SLC9B1: variants seen among roughly 807,000 people sequenced by gnomAD.
SLC9B1 encodes solute carrier family 9 member B1.
In SLC9B1, 32 loss-of-function variants were observed where a neutral mutation model predicts 51.7. That is an observed-to-expected ratio of 0.62 (90% CI 0.47 to 0.83). The LOEUF is 0.83. Ranked by LOEUF, SLC9B1 falls within the 40% of genes least tolerant of loss-of-function variation. SLC9B1 has a pLI of 0.00. For synonymous variants in SLC9B1, 145 were observed against 212.7 expected (o/e 0.68, Z 2.77); for missense variants, 406 against 613.2 (o/e 0.66, Z 3.57).
chr4:103,001,913 C>A (rs1464224844), intron 1 of SLC9B1, among the ~76,000 whole-genome samples: 1 of 152,168 alleles, frequency 6.6e-6, no homozygotes, highest in Admixed American at 6.5e-5. Flanking sequence ...TTCTGCATGG[C>A]TTAGGAGGCC....
At chr4:102,890,840 T>A (rs868808635) in intron 11 of SLC9B1, 5 of 76,200 alleles carry the variant, frequency 6.6e-5, no homozygotes, top group Admixed American at 1.5e-4. Flanking sequence ...AACCCTATCT[T>A]AAAAAAAAAA....
At chr4:102,976,732 G>A (rs1006420524) in intron 3 of SLC9B1, among the ~76,000 whole-genome samples, 2 of 152,184 alleles carry the variant, frequency 1.3e-5, no homozygotes, top group African/African-American at 4.8e-5. Flanking sequence ...CACATTGAGA[G>A]GTAAGTAAAT....
At chr4:102,910,674 T>C (rs1735296696) in intron 8 of SLC9B1, 86 bp from the exon 9 acceptor site, 2 of 595,656 alleles carry the variant, frequency 3.4e-6, no homozygotes, top group Admixed American at 4.6e-5. Flanking sequence ...TTTTTGACCC[T>C]CTGATATTAT....
chr4:102,977,615 A>G lies in SLC9B1; in HGVS notation c.211+12185T>C, dbSNP rs563582111. On this transcript the variant is annotated intron_variant, in intron 3 of 11. Coordinates refer to ENST00000296422, the MANE Select transcript of SLC9B1 (RefSeq NM_139173.4). Reference sequence around the variant, plus strand: ...TGAGAACGTTTTTGGGAATACTTTAATTATGAACTTTTAGAACACTAGTAC... The same window carrying G: ...TGAGAACGTTTTTGGGAATACTTTAGTTATGAACTTTTAGAACACTAGTAC... 2.0e-5 allele frequency among the ~76,000 whole-genome samples: 3 copies of G among 152,302 alleles called. No individual in the cohort carries two copies. The East Asian group carries it at 5.8e-4, about 29-fold the overall frequency.
chr4:102,911,776 T>C (rs1270897484), intron 7 of SLC9B1, among the ~76,000 whole-genome samples: 2 of 152,040 alleles, frequency 1.3e-5, no homozygotes, highest in Non-Finnish European at 2.9e-5. Flanking sequence ...ATTATGTAAA[T>C]AGGCCAGAAA....
At chr4:102,995,603 T>C (rs981273453) in intron 1 of SLC9B1, among the ~76,000 whole-genome samples, 2 of 152,196 alleles carry the variant, frequency 1.3e-5, no homozygotes, top group Non-Finnish European at 2.9e-5. Flanking sequence ...AGCTTTATAC[T>C]GAGTCAAGCA....
intron 7 of SLC9B1, among the ~76,000 whole-genome samples, chr4:102,926,006 T>A (rs987392563): frequency 6.6e-6 from 1 of 152,260 alleles, no homozygotes; most frequent in Admixed American, 6.5e-5. Flanking sequence ...CACATGATTA[T>A]CTCAATAGAT....
At chr4:102,922,513 G>A (rs559993428) in intron 7 of SLC9B1, among the ~76,000 whole-genome samples, 7 of 152,062 alleles carry the variant, frequency 4.6e-5, no homozygotes, top group African/African-American at 7.2e-5. Flanking sequence ...AGAGAAGCAA[G>A]AGCAAACACA....
chr4:103,017,447 C>G (rs1196338867), intron 1 of SLC9B1, among the ~76,000 whole-genome samples: 1 of 152,140 alleles, frequency 6.6e-6, no homozygotes, highest in African/African-American at 2.4e-5. Flanking sequence ...ATGGCCTATT[C>G]AAAGCCTTAC....
downstream of SLC9B1, among the ~76,000 whole-genome samples, chr4:102,900,009 A>G (rs1391230426): frequency 2.0e-5 from 3 of 152,206 alleles, no homozygotes; most frequent in Admixed American, 1.3e-4. Flanking sequence ...TCTTAATAGG[A>G]ATAACACATA....
rs1241056801 is a variant in SLC9B1 at position 102,925,135 on chromosome 4, G to C, written c.829+6989C>G. On this transcript the variant is annotated intron_variant, in intron 7 of 11. Coordinates refer to ENST00000296422, the MANE Select transcript of SLC9B1 (RefSeq NM_139173.4). ...GTTTATTGTGGCACTATTCACAATA[G>C]TAAAGACTTGGAACCAACCCAAATG... Among the ~76,000 whole-genome samples, 3 of 152,142 alleles carry C rather than the reference G, an allele frequency of 2.0e-5. No homozygotes were observed. The East Asian group carries it at 5.8e-4, about 29-fold the overall frequency.
chr4:102,932,086 C>T (rs764187530), intron 7 of SLC9B1, 38 bp downstream of exon 7: 2 of 1,598,372 alleles, frequency 1.3e-6, no homozygotes, highest in East Asian at 4.5e-5. Flanking sequence ...CAAAAAAGGT[C>T]ATGAATGATC....
At chr4:102,950,476 T>G (rs745832112) in intron 3 of SLC9B1, among the ~76,000 whole-genome samples, 2 of 152,210 alleles carry the variant, frequency 1.3e-5, no homozygotes, top group Admixed American at 6.5e-5. Flanking sequence ...CTACCTTTAT[T>G]TGCTATGAAT....
chr4:102,975,275 T>C (rs1424145231), intron 3 of SLC9B1, among the ~76,000 whole-genome samples: 9 of 152,078 alleles, frequency 5.9e-5, no homozygotes, highest in Non-Finnish European at 1.5e-5. Context: ...CCCCAAAGTG[T>C]TGGGATTACA....
At chr4:102,946,376 T>C (rs1322082650) in intron 5 of SLC9B1, among the ~76,000 whole-genome samples, 1 of 152,188 alleles carries the variant, frequency 6.6e-6, no homozygotes, top group East Asian at 1.9e-4. Context: ...AGTGGCACTA[T>C]CTCAGCTCAC....
At chr4:102,962,716 G>A (rs758108381) in intron 3 of SLC9B1, 21 of 470,338 alleles carry the variant, frequency 4.5e-5, no homozygotes, top group South Asian at 8.0e-5. Flanking sequence ...GGGAGAGGGA[G>A]GTAGGAATCC....
intron 3 of SLC9B1, among the ~76,000 whole-genome samples, chr4:102,958,756 A>G (rs1010762233): frequency 2.6e-5 from 4 of 152,082 alleles, no homozygotes; most frequent in African/African-American, 9.7e-5. Flanking sequence ...CCCCGTGTCT[A>G]CTAAAAATAC....
At chr4:102,950,863 C>T (rs1399808837) in intron 3 of SLC9B1, among the ~76,000 whole-genome samples, 5 of 152,076 alleles carry the variant, frequency 3.3e-5, no homozygotes, top group African/African-American at 4.8e-5. Context: ...GGCCTGTTGG[C>T]GCATGCCTAT....
chr4:102,911,758 A>T (rs1016608677), intron 7 of SLC9B1, among the ~76,000 whole-genome samples: 1 of 152,210 alleles, frequency 6.6e-6, no homozygotes, highest in African/African-American at 2.4e-5. Flanking sequence ...CACAACTCAG[A>T]AATGTCCATT....
Sources: gnomAD v4.1 joint callset for allele counts (sites outside exome capture counted in the v4.1 genomes callset) on GRCh38, gnomAD v4.1.1 for gene constraint, MANE v1.5 for transcripts, NCBI Gene and HGNC (gene_info 2026-07-23, HGNC 2026-07-21) for gene names.